Variants in STEEP1 observed in about 807,000 individuals in gnomAD.
The protein encoded by STEEP1 is STING ER exit protein.
STEEP1 carries 3 observed loss-of-function variants against 19.2 expected under a neutral mutation model. The observed-to-expected ratio is 0.16, with a 90% CI of 0.07 to 0.40. STEEP1 has a LOEUF of 0.40. Ranked by LOEUF, STEEP1 falls within the 10% of genes least tolerant of loss-of-function variation. STEEP1 has a pLI of 0.99. For synonymous variants in STEEP1, 46 were observed against 63.7 expected, an observed-to-expected ratio of 0.72 and a Z score of 1.32; for missense variants, 54 against 177.1, an observed-to-expected ratio of 0.30 and a Z score of 3.94.
intron 2 of STEEP1, among the ~76,000 whole-genome samples, chrX:119,546,168 C>T (rs1008053155): frequency 2.7e-5 from 3 of 111,125 alleles, no homozygotes; most frequent in Non-Finnish European, 5.7e-5. Flanking sequence ...CGGCTGGGCA[C>T]GGTGGCTCAC....
intron 2 of STEEP1, among the ~76,000 whole-genome samples, chrX:119,559,652 C>T: frequency 8.9e-6 from 1 of 111,861 alleles, no homozygotes; most frequent in Non-Finnish European, 1.9e-5. Flanking sequence ...CTTCACAGAT[C>T]CAGTACCTAG....
rs59684289 is a variant in STEEP1, at chrX:119,543,944, G to A, written c.423+409C>T. Reference sequence around the variant, plus strand: ...TAACCTTAGTCATGAGGCAACTGTAGGAAAGAGAGAACACATAACAGGTGT... The same window carrying A: ...TAACCTTAGTCATGAGGCAACTGTAAGAAAGAGAGAACACATAACAGGTGT... On this transcript the variant is annotated intron_variant, in intron 4 of 6. Coordinates refer to ENST00000644802, the MANE Select transcript of STEEP1 (RefSeq NM_022101.4). Among the ~76,000 whole-genome samples, 1,056 of 111,996 alleles carry A rather than the reference G, an allele frequency of 9.4e-3. 15 individuals carry two copies. Among genetic ancestry groups the A allele is most frequent in the African/African-American group, 0.033 (1,015 of 30,850 alleles).
chrX:119,549,297 GTGTATA>G (rs1376645987), intron 2 of STEEP1, among the ~76,000 whole-genome samples: 3 of 111,975 alleles, frequency 2.7e-5, no homozygotes, highest in East Asian at 2.8e-4. Flanking sequence ...TCATTTCACA[GTGTATA>G]TGTATATCAA....
At chrX:119,563,965 T>TA (rs1184402497) in intron 1 of STEEP1, among the ~76,000 whole-genome samples, 1 of 111,232 alleles carries the variant, frequency 9.0e-6, no homozygotes, top group Non-Finnish European at 1.9e-5. Flanking sequence ...CAGCACGATA[T>TA]ATTTGAGAGG....
At chrX:119,561,234 G>A (rs772423034) in intron 1 of STEEP1, among the ~76,000 whole-genome samples, 27 of 109,770 alleles carry the variant, frequency 2.5e-4, no homozygotes, top group South Asian at 7.8e-4. Flanking sequence ...GCGAGACTCC[G>A]TCAAAAAACA....
At chrX:119,541,803 T>A in intron 5 of STEEP1, among the ~76,000 whole-genome samples, 1 of 111,863 alleles carries the variant, frequency 8.9e-6, no homozygotes, top group Admixed American at 9.6e-5. Context: ...ACCATAAAGG[T>A]AATTGCTACT....
intron 1 of STEEP1, among the ~76,000 whole-genome samples, chrX:119,560,998 T>C (rs1569402292): frequency 1.2e-5 from 1 of 83,341 alleles, no homozygotes; most frequent in African/African-American, 4.3e-5. Flanking sequence ...CAAGACCCTG[T>C]CTCTGTTTTA....
intron 2 of STEEP1, among the ~76,000 whole-genome samples, chrX:119,550,476 T>C (rs1219760228): frequency 9.0e-6 from 1 of 111,386 alleles, no homozygotes; most frequent in African/African-American, 3.3e-5. Context: ...CTCAGTCTTT[T>C]TAACAAAAGG....
intron 5 of STEEP1, among the ~76,000 whole-genome samples, chrX:119,542,055 CTTTTTTTTT>C (rs201339708): frequency 0.02 from 1,693 of 82,588 alleles, 46 homozygotes; most frequent in African/African-American, 0.08. Flanking sequence ...CTTTTCTTTT[CTTTTTTTTT>C]TTTTTTTTTT....
intron 1 of STEEP1, among the ~76,000 whole-genome samples, chrX:119,562,193 T>G (rs996131651): frequency 9.9e-5 from 11 of 111,643 alleles, no homozygotes; most frequent in Non-Finnish European, 2.1e-4. Context: ...GGTCAGGAGT[T>G]CGAGACCAGC....
At chrX:119,556,053 T>C (rs1465334240) in intron 2 of STEEP1, among the ~76,000 whole-genome samples, 1 of 111,673 alleles carries the variant, frequency 9.0e-6, no homozygotes, top group Non-Finnish European at 1.9e-5. Flanking sequence ...GGCTCTGCAA[T>C]TCTTGTGGCC....
chrX:119,562,718 T>C (rs2053329284), intron 1 of STEEP1, among the ~76,000 whole-genome samples: 1 of 107,978 alleles, frequency 9.3e-6, no homozygotes, highest in Admixed American at 1.0e-4. Flanking sequence ...CCGGCCCTGA[T>C]GAAGCTTACA....
At chrX:119,560,432 G>A in intron 1 of STEEP1, 47 bp from the exon 2 acceptor site, 1 of 874,612 alleles carries the variant, frequency 1.1e-6, no homozygotes, top group Non-Finnish European at 1.7e-6. Flanking sequence ...GCAAAATATA[G>A]CAAATGAGTC....
chrX:119,539,815 C>T (rs749869271), intron 6 of STEEP1, 26 bp from the exon 7 acceptor site: 1 of 1,130,594 alleles, frequency 8.8e-7, no homozygotes, highest in Admixed American at 2.2e-5. Context: ...AAGCATATGT[C>T]TTGATACATG....
Position 119,560,313 on chromosome X carries a change from T to A in STEEP1, c.197A>T (p.His66Leu), listed in dbSNP as rs1179336730. 1 of 1,209,999 alleles carries A rather than the reference T, an allele frequency of 8.3e-7. No individual in the cohort carries two copies. Among genetic ancestry groups the A allele is most frequent in the Non-Finnish European group, 1.1e-6 (1 of 893,930 alleles). Residue 66 changes from histidine to leucine, a missense_variant, in exon 2 of 7, where the codon CAT (histidine) becomes CTT (leucine). Around this residue, in one of 2 missense-constraint regions of STEEP1, gnomAD observed 47 missense variants for 118.5 expected, o/e 0.40. Coordinates refer to ENST00000644802, the MANE Select transcript of STEEP1 (RefSeq NM_022101.4). ...CTCATCTTCTGTGTTACAAAACTTA[T>A]GGGCATGTTTGGCAGCATCAATCAC... ...SRVIDAAKHA[H>L]KFCNTEDEET...
intron 2 of STEEP1, among the ~76,000 whole-genome samples, chrX:119,559,921 C>T (rs751422945): frequency 1.8e-4 from 20 of 111,703 alleles, no homozygotes; most frequent in African/African-American, 3.6e-4. Context: ...TGGTGGCGCA[C>T]GCCTGTCATC....
chrX:119,540,051 A>G (rs2053152165), intron 6 of STEEP1, among the ~76,000 whole-genome samples: 1 of 111,822 alleles, frequency 8.9e-6, no homozygotes, highest in South Asian at 3.7e-4. Context: ...GGATTCCAGC[A>G]GCCCCAGCGC....
chrX:119,540,783 C>T (rs920618042), intron 6 of STEEP1, among the ~76,000 whole-genome samples: 4 of 112,304 alleles, frequency 3.6e-5, no homozygotes, highest in African/African-American at 9.7e-5. Flanking sequence ...TGGTGGCTCA[C>T]GCCTGAAATC....
intron 3 of STEEP1, among the ~76,000 whole-genome samples, chrX:119,545,133 G>T (rs1282959978): frequency 9.3e-6 from 1 of 107,462 alleles, no homozygotes; most frequent in Admixed American, 1.0e-4. Context: ...GTGGGCGGAT[G>T]AACTCAGGTC....
Sources: allele counts gnomAD v4.1 joint callset (sites outside exome capture counted in the v4.1 genomes callset), GRCh38; gene constraint gnomAD v4.1.1; regional missense constraint gnomAD v4.1.1; transcripts MANE v1.5; gene names NCBI Gene and HGNC (gene_info 2026-07-23, HGNC 2026-07-21).